Variants in TANK observed in about 807,000 individuals in gnomAD.
The protein encoded by TANK is TRAF family member associated NFKB activator.
In TANK, 15 loss-of-function variants were observed where a neutral mutation model predicts 43.6. The observed-to-expected ratio is 0.34, with a 90% confidence interval of 0.23 to 0.53. The LOEUF (loss-of-function observed/expected upper bound fraction) is 0.53, where lower values mean the gene tolerates loss of function less well. Ranked by LOEUF, TANK falls within the 20% of genes least tolerant of loss-of-function variation. The pLI is 0.94. For missense variants in TANK, 417 were observed against 498.6 expected, an observed-to-expected ratio of 0.84 and a Z score of 1.56; for synonymous variants, 162 against 178.2, an observed-to-expected ratio of 0.91 and a Z score of 0.73.
At chr2:161,198,458 C>G (rs1161089117) in intron 2 of TANK, among the ~76,000 whole-genome samples, 1 of 152,216 alleles carries the variant, frequency 6.6e-6, no homozygotes, top group Non-Finnish European at 1.5e-5. Context: ...CCTGGTGGCT[C>G]TACTGGTCTG....
intron 2 of TANK, among the ~76,000 whole-genome samples, chr2:161,190,851 G>A (rs1343166593): frequency 6.6e-6 from 1 of 152,098 alleles, no homozygotes; most frequent in Non-Finnish European, 1.5e-5. Flanking sequence ...AGTTAGGAAG[G>A]ATGAAAAAAG....
At chr2:161,142,006 G>A (rs1683763210) in intron 1 of TANK, among the ~76,000 whole-genome samples, 1 of 151,518 alleles carries the variant, frequency 6.6e-6, no homozygotes, top group South Asian at 2.1e-4. Flanking sequence ...CTTCTTGTTT[G>A]TAATAATCAC....
intron 1 of TANK, among the ~76,000 whole-genome samples, chr2:161,169,026 C>T (rs1684824625): frequency 6.6e-6 from 1 of 152,188 alleles, no homozygotes. Context: ...ACTTCCCAAA[C>T]ACTTTCTTAG....
At chr2:161,188,305 C>T (rs998521514) in intron 2 of TANK, among the ~76,000 whole-genome samples, 5 of 151,780 alleles carry the variant, frequency 3.3e-5, no homozygotes, top group Non-Finnish European at 5.9e-5. Flanking sequence ...GTTAGCTTGA[C>T]TAAAAAAAGA....
chr2:161,218,729 A>G (rs1687222938), intron 4 of TANK, among the ~76,000 whole-genome samples: 1 of 152,218 alleles, frequency 6.6e-6, no homozygotes, highest in African/African-American at 2.4e-5. Context: ...AATAATAGCT[A>G]TTTTCAAGAA....
chr2:161,143,879 G>A (rs991464963), intron 1 of TANK, among the ~76,000 whole-genome samples: 4 of 152,192 alleles, frequency 2.6e-5, no homozygotes, highest in African/African-American at 9.7e-5. Context: ...AATAGTTTCA[G>A]AAGGAATGGT....
chr2:161,184,149 T>G (rs1685551016), intron 2 of TANK, among the ~76,000 whole-genome samples: 1 of 152,108 alleles, frequency 6.6e-6, no homozygotes, highest in Non-Finnish European at 1.5e-5. Context: ...TCAAAGAGAA[T>G]GATGGGACAT....
chr2:161,176,880 A>G (rs568567494), intron 1 of TANK, among the ~76,000 whole-genome samples: 47 of 152,258 alleles, frequency 3.1e-4, no homozygotes, highest in Non-Finnish European at 5.4e-4. Flanking sequence ...TAAGGCAGTG[A>G]TAGATAGCTT....
rs137910547 is a variant in TANK, at chr2:161,168,432, A to T, written c.-50+7946A>T. On this transcript the variant is annotated intron_variant, in intron 1 of 7. Coordinates refer to ENST00000392749, the MANE Select transcript of TANK (RefSeq NM_001199135.3). ...AGGAATTTCCAGATTGAAAGGGCCC[A>T]CCAAACACCTATTGCTATGATATAG... Among the ~76,000 whole-genome samples, 58 of 152,282 alleles carry T rather than the reference A, an allele frequency of 3.8e-4. 1 individual carries two copies. Among genetic ancestry groups the T allele is most frequent in the African/African-American group, 1.3e-3 (56 of 41,538 alleles).
chr2:161,212,919 A>G (rs945486316), intron 4 of TANK: 3 of 455,374 alleles, frequency 6.6e-6, no homozygotes, highest in African/African-American at 2.1e-5. Context: ...GATATCTGTA[A>G]AAGTTCAAGA....
chr2:161,183,329 T>C (rs964768752), intron 2 of TANK, among the ~76,000 whole-genome samples: 5 of 152,184 alleles, frequency 3.3e-5, no homozygotes, highest in Non-Finnish European at 5.9e-5. Context: ...TTTCTAAGAT[T>C]ATTGAAATGA....
chr2:161,160,259 T>A, upstream of TANK: 1 of 253,580 alleles, frequency 3.9e-6, no homozygotes, highest in East Asian at 4.5e-5. Flanking sequence ...TGGGCAGGGC[T>A]GGGGGAGGGC....
chr2:161,218,742 T>G (rs1288527693), intron 4 of TANK, among the ~76,000 whole-genome samples: 1 of 152,196 alleles, frequency 6.6e-6, no homozygotes, highest in Non-Finnish European at 1.5e-5. Flanking sequence ...TTCAAGAAGA[T>G]AGCTTCTGTT....
chr2:161,207,543 A>G (rs769052546), intron 4 of TANK: 7 of 984,180 alleles, frequency 7.1e-6, no homozygotes, highest in Non-Finnish European at 8.4e-6. Flanking sequence ...AAGAGAAAAT[A>G]TATTGTAAAA....
chr2:161,226,582 G>A (rs184675814), intron 6 of TANK, among the ~76,000 whole-genome samples: 2 of 152,132 alleles, frequency 1.3e-5, no homozygotes, highest in East Asian at 3.9e-4. Flanking sequence ...TACGTGTATT[G>A]TCCCTATGTT....
At position 161,231,113 on chromosome 2, in the gene TANK, G is replaced by A; in HGVS notation, c.663G>A (p.Glu221=). 6.2e-7 allele frequency: 1 copy of A among 1,614,100 alleles called. No individual in the cohort carries two copies. The highest frequency in any genetic ancestry group is 1.1e-5 in the South Asian group (1 of 91,072). The change falls in exon 7 of 8, where the codon GAG becomes GAA. Residue 221 remains glutamate, a synonymous_variant. Transcript: ENST00000392749. ...CACCAAGAGGACTGTGCAGAGATGA[G>A]GAAGACACCTCTTTTGAATCACTTT... ...SVTPRGLCRD[E]EDTSFESLSK... is the part of the protein sequence containing the mutation.
At chr2:161,194,595 T>C (rs1276732609) in intron 2 of TANK, among the ~76,000 whole-genome samples, 3 of 152,192 alleles carry the variant, frequency 2.0e-5, no homozygotes, top group African/African-American at 2.4e-5. Flanking sequence ...TTCTCTAATG[T>C]TTTTCTGACA....
intron 4 of TANK, among the ~76,000 whole-genome samples, chr2:161,206,222 G>T (rs1308583164): frequency 1.3e-5 from 2 of 151,728 alleles, no homozygotes; most frequent in Non-Finnish European, 2.9e-5. Flanking sequence ...ATATTATATT[G>T]TTCTCCATGT....
rs11375138 is a variant in TANK at position 161,212,063 on chromosome 2, C to CTTTT, written c.327+7282_327+7285dup. On this transcript the variant is annotated intron_variant, in intron 4 of 7. Coordinates refer to ENST00000392749, the MANE Select transcript of TANK (RefSeq NM_001199135.3). ...TTTCCAAAGAGTCATAATACATAAA[C>CTTTT]TTTTTTTTTTTTTTTGAGACAGGGT... 257 of 649,292 alleles carry CTTTT rather than the reference C, an allele frequency of 4.0e-4. No individual in the cohort carries two copies. The African/African-American group carries it at 4.0e-3, about 10-fold the overall frequency. 40.2% of individuals were successfully genotyped at this position (649,292 alleles called of 1,614,324 possible).
Sources: allele counts gnomAD v4.1 joint callset (sites outside exome capture counted in the v4.1 genomes callset), GRCh38; gene constraint gnomAD v4.1.1; transcripts MANE v1.5; gene names NCBI Gene and HGNC (gene_info 2026-07-23, HGNC 2026-07-21).